The following PFKFB4 variants were observed in gnomAD, a reference collection of about 807,000 sequenced individuals.
PFKFB4 encodes the protein 6-phosphofructo-2-kinase/fructose-2,6-biphosphatase 4.
PFKFB4 carries 42 observed loss-of-function variants against 62.8 expected under a neutral mutation model. That is an observed-to-expected ratio of 0.67 (90% CI 0.52 to 0.86). The LOEUF is 0.86. PFKFB4 is among the 40% of genes least tolerant of loss of function. PFKFB4 has a pLI of 0.00. For missense variants in PFKFB4, 475 were observed against 627.2 expected (o/e 0.76, Z 2.59); for synonymous variants, 204 against 240.7 (o/e 0.85, Z 1.41).
At chr3:48,540,375 G>T (rs1209352788) in intron 4 of PFKFB4, among the ~76,000 whole-genome samples, 1 of 152,170 alleles carries the variant, frequency 6.6e-6, no homozygotes, top group African/African-American at 2.4e-5. Context: ...GGGTGCAGTG[G>T]CATTGCTAAG....
At chr3:48,528,492 T>C (rs991719798) in intron 9 of PFKFB4, among the ~76,000 whole-genome samples, 5 of 151,970 alleles carry the variant, frequency 3.3e-5, no homozygotes, top group African/African-American at 1.2e-4. Context: ...TGAAACCCCA[T>C]CTCTACAAAC....
chr3:48,551,474 C>T (rs2043150021), intron 1 of PFKFB4, among the ~76,000 whole-genome samples: 1 of 149,548 alleles, frequency 6.7e-6, no homozygotes, highest in African/African-American at 2.5e-5. Flanking sequence ...GCCTGGGCCT[C>T]CCAAAGTGCT....
chr3:48,532,832 C>T (rs896065691), intron 9 of PFKFB4, among the ~76,000 whole-genome samples: 16 of 152,134 alleles, frequency 1.1e-4, no homozygotes, highest in African/African-American at 3.6e-4. Flanking sequence ...GAGTGAGATG[C>T]TGTCTTAAAA....
chr3:48,546,096 TTATG>T (rs2042955030), intron 3 of PFKFB4, among the ~76,000 whole-genome samples: 1 of 151,692 alleles, frequency 6.6e-6, no homozygotes, highest in South Asian at 2.1e-4. Flanking sequence ...GTGTGGGTGG[TTATG>T]TGTGTGTTGT....
chr3:48,561,774 C>T (rs2043436239), upstream of PFKFB4: 1 of 146,724 alleles, frequency 6.8e-6, no homozygotes, highest in South Asian at 2.1e-4. This position sits in a 1 kb window ranked among gnomAD's most constrained non-coding sequence, Gnocchi z 5.2. Flanking sequence ...TGCTGCAGGA[C>T]CTCCATGTCT....
At position 48,539,245 on chromosome 3, in the gene PFKFB4, A is replaced by C; in HGVS notation, c.510+9T>G. On this transcript the variant is annotated intron_variant, in intron 6 of 13. Coordinates refer to ENST00000232375, the MANE Select transcript of PFKFB4 (RefSeq NM_004567.4). ...ACGACCTTCTGACAAGGTCAGATGC[A>C]CTACTCACCACGATGTTGGCAGCTA... 6.2e-7 allele frequency: 1 copy of C among 1,609,102 alleles called. No individual in the cohort carries two copies. Among genetic ancestry groups the C allele is most frequent in the Non-Finnish European group, 8.5e-7 (1 of 1,175,470 alleles).
intron 9 of PFKFB4, among the ~76,000 whole-genome samples, chr3:48,532,748 G>A (rs1429286258): frequency 2.0e-5 from 3 of 152,104 alleles, no homozygotes; most frequent in East Asian, 3.9e-4. Context: ...AGCTACTAGG[G>A]AGGCAAGAGA....
chr3:48,556,637 A>G lies in PFKFB4; in HGVS notation c.97+44T>C. 1 of 852,968 alleles carries G rather than the reference A, an allele frequency of 1.2e-6. No homozygotes were observed. The highest frequency in any genetic ancestry group is 1.6e-5 in the South Asian group (1 of 62,366). The allele number at this position is 852,968 out of a possible 1,614,324, so 52.8% of individuals were successfully genotyped here. A position where few individuals can be genotyped will look rare whatever the true frequency, so the allele number is the denominator to read the frequency against. ...CCCGCCCAGGCCGCCCTACCCACCC[A>G]TCCCGGTGCACCTCCCACCTCCTCC... On this transcript the variant is annotated intron_variant, in intron 1 of 13. Coordinates refer to ENST00000232375, the MANE Select transcript of PFKFB4 (RefSeq NM_004567.4). The surrounding 1 kb of genome is among the most constrained non-coding windows in gnomAD (Gnocchi z 5.7).
At position 48,521,704 on chromosome 3, in the gene PFKFB4, C is replaced by G. The variant is rs1009548246; in HGVS notation, c.1350+282G>C. 2.0e-5 allele frequency among the ~76,000 whole-genome samples: 3 copies of G among 152,194 alleles called. No homozygotes were observed. The highest frequency in any genetic ancestry group is 4.4e-5 in the Non-Finnish European group (3 of 68,038). On this transcript the variant is annotated intron_variant, in intron 13 of 13. Transcript: ENST00000232375. The surrounding 1 kb of genome is among the most constrained non-coding windows in gnomAD (Gnocchi z 5.3). Reference sequence around the variant, plus strand: ...TTGCTGCTTGGGAGCCCTGTGGCTCCTCAAGTCCTGGGGCTCCAACCACAC... The same window carrying G: ...TTGCTGCTTGGGAGCCCTGTGGCTCGTCAAGTCCTGGGGCTCCAACCACAC...
At chr3:48,563,118 TGGTCATCGTGA>T (rs1488238678), upstream of PFKFB4, 1 of 1,608,404 alleles carries the variant, frequency 6.2e-7, no homozygotes, top group East Asian at 2.2e-5. This position sits in a 1 kb window ranked among gnomAD's most constrained non-coding sequence, Gnocchi z 4.5. Flanking sequence ...AGAGCACACC[TGGTCATCGTGA>T]GGTCAGGCTG....
chr3:48,542,754 T>C (rs1002698354), intron 4 of PFKFB4, among the ~76,000 whole-genome samples: 1 of 151,946 alleles, frequency 6.6e-6, no homozygotes, highest in Non-Finnish European at 1.5e-5. Flanking sequence ...GACATCAGAG[T>C]GATGTTGTAG....
chr3:48,528,974 G>A (rs2042348277), intron 9 of PFKFB4, among the ~76,000 whole-genome samples: 1 of 152,160 alleles, frequency 6.6e-6, no homozygotes, highest in South Asian at 2.1e-4. Flanking sequence ...TGATTGTGGT[G>A]ATGGTTGCAC....
chr3:48,534,162 T>C (rs183315778), intron 9 of PFKFB4, among the ~76,000 whole-genome samples: 1 of 152,072 alleles, frequency 6.6e-6, no homozygotes, highest in East Asian at 1.9e-4. Context: ...AGAAACTATC[T>C]AAATTAAAGC....
intron 2 of PFKFB4, 63 bp from the exon 3 acceptor site, chr3:48,550,023 C>G: frequency 6.9e-7 from 1 of 1,453,718 alleles, no homozygotes; most frequent in Non-Finnish European, 9.7e-7. Context: ...CTGACCTTGA[C>G]CCAACCCCAG....
Position 48,519,608 on chromosome 3 carries a change from G to C in PFKFB4, c.*139C>G. 1 of 683,932 alleles carries C rather than the reference G, an allele frequency of 1.5e-6. No individual in the cohort carries two copies. Among genetic ancestry groups the C allele is most frequent in the South Asian group, 1.8e-5 (1 of 55,932 alleles). 42.4% of individuals were successfully genotyped at this position (683,932 alleles called of 1,614,324 possible). A position where few individuals can be genotyped will look rare whatever the true frequency, so the allele number is the denominator to read the frequency against. Reference sequence around the variant, plus strand: ...AAGAGCCAGGTGGGCTGGGGTGGGGGCTCTGGGTTCCGCCAGCCATGTGTG... The same window carrying C: ...AAGAGCCAGGTGGGCTGGGGTGGGGCCTCTGGGTTCCGCCAGCCATGTGTG... On this transcript the variant is annotated 3_prime_UTR_variant, in exon 14 of 14. Transcript: ENST00000232375.
rs1283895473 is a variant in PFKFB4 at position 48,539,689 on chromosome 3, G to C, written c.453+8C>G. On this transcript the variant is annotated splice_region_variant and intron_variant, in intron 5 of 13. Coordinates refer to ENST00000232375, the MANE Select transcript of PFKFB4 (RefSeq NM_004567.4). ...TTCCGCCAAGGAGAGGAGCCAAGGA[G>C]GCCTCACCTTGTAGCCATTCTGTTC... 6.2e-7 allele frequency: 1 copy of C among 1,609,276 alleles called. No individual in the cohort carries two copies. The highest frequency in any genetic ancestry group is 1.7e-5 in the Admixed American group (1 of 59,988).
Position 48,523,733 on chromosome 3 carries a change from C to T in PFKFB4, c.1190G>A (p.Cys397Tyr). The T allele has an allele frequency of 6.2e-7, 1 of 1,614,204 alleles. No homozygotes were observed. The highest frequency in any genetic ancestry group is 8.5e-7 in the Non-Finnish European group (1 of 1,180,038). ...CTTGTCGAGGAAGTAGGCCAGCAGG[C>T]AGCGCATCACAGCCTGGTGGCAGAT... The part of the protein sequence containing the change: ...LVICHQAVMR[C>Y]LLAYFLDKAA... The change falls in exon 11 of 14, where the codon TGC becomes TAC. Residue 397 changes from cysteine to tyrosine, a missense_variant. Cys to Tyr is a radical substitution (Grantham distance 194). Transcript: ENST00000232375.
At position 48,536,466 on chromosome 3, in the gene PFKFB4, GTC is replaced by G; in HGVS notation, c.633-5_633-4del. On this transcript the variant is annotated splice_polypyrimidine_tract_variant and splice_region_variant and intron_variant, in intron 7 of 13. Coordinates refer to ENST00000232375, the MANE Select transcript of PFKFB4 (RefSeq NM_004567.4). ...TGATCTTGATATAGGACAGGTCCCT[GTC>G]CAGAGAGAAAGTAGAAAGAGGCCTG... is the stretch of plus-strand genomic sequence containing the variant. 1.3e-6 allele frequency: 2 copies of G among 1,599,444 alleles called. No homozygotes were observed. Among genetic ancestry groups the G allele is most frequent in the African/African-American group, 1.3e-5 (1 of 74,796 alleles).
At chr3:48,560,820 T>C (rs991873956), upstream of PFKFB4, among the ~76,000 whole-genome samples, 4 of 151,758 alleles carry the variant, frequency 2.6e-5, no homozygotes, top group African/African-American at 9.7e-5. Context: ...TGGCGGTCCC[T>C]CCCCCTGGGC....
Sources: gnomAD v4.1 joint callset for allele counts (sites outside exome capture counted in the v4.1 genomes callset) on GRCh38, gnomAD v4.1.1 for gene constraint, Gnocchi (gnomAD v3.1) non-coding constraint, MANE v1.5 for transcripts, NCBI Gene and HGNC (gene_info 2026-07-23, HGNC 2026-07-21) for gene names.